SLC9A9: variants seen among roughly 807,000 people sequenced by gnomAD.
The protein encoded by SLC9A9 is solute carrier family 9 member A9.
A neutral mutation model predicts 77.8 loss-of-function variants in SLC9A9; 62 were observed. The ratio of observed to expected loss-of-function variants is 0.80; its 90% confidence interval spans 0.65 to 0.98. The LOEUF (loss-of-function observed/expected upper bound fraction) is 0.98, where lower values mean the gene tolerates loss of function less well. Among genes scored for constraint, SLC9A9 ranks in the 50% least tolerant of loss-of-function variants. The probability of loss-of-function intolerance (pLI) is 0.00; values close to 1 mark genes in which losing one functional copy is unlikely to be tolerated. For synonymous variants in SLC9A9, 320 were observed against 283.5 expected (o/e 1.13, Z -1.29); for missense variants, 775 against 774.9 (o/e 1.00, Z 0.00).
At chr3:143,735,469 T>C (rs1010671894) in intron 4 of SLC9A9, among the ~76,000 whole-genome samples, 3 of 152,212 alleles carry the variant, frequency 2.0e-5, no homozygotes, top group Non-Finnish European at 4.4e-5. Context: ...TGAAGTCTTT[T>C]TTCATGGTCT....
intron 4 of SLC9A9, among the ~76,000 whole-genome samples, chr3:143,772,247 C>T (rs1035344635): frequency 1.3e-5 from 2 of 152,130 alleles, no homozygotes; most frequent in African/African-American, 4.8e-5. Flanking sequence ...ACCCAACTAA[C>T]AACCAAGAGC....
At position 143,517,200 on chromosome 3, in the gene SLC9A9, T is replaced by C; in HGVS notation, c.1090-21752A>G. ...GAGTTGCTCTGGTATTTTGACATAC[T>C]TGCTGGGTTCTGAGCCACATCCTGG... On this transcript the variant is annotated intron_variant, in intron 9 of 15. Coordinates refer to ENST00000316549, the MANE Select transcript of SLC9A9 (RefSeq NM_173653.4). 2.2e-6 allele frequency: 3 copies of C among 1,381,264 alleles called. No homozygotes were observed. The South Asian group carries it at 3.5e-5, about 16-fold the overall frequency. 85.6% of individuals were successfully genotyped at this position (1,381,264 alleles called of 1,614,324 possible). A position where few individuals can be genotyped will look rare whatever the true frequency, so the allele number is the denominator to read the frequency against.
intron 6 of SLC9A9, among the ~76,000 whole-genome samples, chr3:143,634,527 C>G (rs1419825285): frequency 6.6e-6 from 1 of 152,054 alleles, no homozygotes; most frequent in Non-Finnish European, 1.5e-5. Context: ...AACTTTTTCC[C>G]TGAGTATTGC....
intron 7 of SLC9A9, among the ~76,000 whole-genome samples, chr3:143,577,671 T>A (rs1487402017): frequency 2.0e-5 from 3 of 152,138 alleles, no homozygotes; most frequent in Non-Finnish European, 2.9e-5. Context: ...ATACCCCCAG[T>A]AGAATGAAGC....
At chr3:143,503,699 C>T (rs115731832) in intron 9 of SLC9A9, 137 of 381,254 alleles carry the variant, frequency 3.6e-4, no homozygotes, top group African/African-American at 2.2e-3. Flanking sequence ...CATGGTCTCC[C>T]GGAGCGGCCA....
In SLC9A9 at chr3:143,823,796, T is replaced by C. The variant is rs1161773000; in HGVS notation, c.378+8223A>G. Among the ~76,000 whole-genome samples the C allele has an allele frequency of 2.6e-5, 4 of 151,980 alleles. No individual in the cohort carries two copies. The East Asian group carries it at 7.7e-4, about 29-fold the overall frequency. ...AATTTTAATAAAATATAAGATATTATATTGTTCTCTAAGATGAGGTGTCCA... is the reference window on the plus strand; with the variant it reads ...AATTTTAATAAAATATAAGATATTACATTGTTCTCTAAGATGAGGTGTCCA... On this transcript the variant is annotated intron_variant, in intron 2 of 15. Transcript: ENST00000316549.
chr3:143,566,634 G>A (rs1428469724), intron 8 of SLC9A9, among the ~76,000 whole-genome samples: 1 of 152,054 alleles, frequency 6.6e-6, no homozygotes, highest in Non-Finnish European at 1.5e-5. Context: ...TTAACTTTTT[G>A]TATGAGAAAA....
intron 5 of SLC9A9, among the ~76,000 whole-genome samples, chr3:143,673,151 T>A (rs1232310390): frequency 6.6e-6 from 1 of 152,210 alleles, no homozygotes; most frequent in African/African-American, 2.4e-5. Flanking sequence ...GGAAGACTCT[T>A]ATTTCCTCAA....
At chr3:143,710,735 A>G (rs1361202574) in intron 4 of SLC9A9, among the ~76,000 whole-genome samples, 1 of 152,156 alleles carries the variant, frequency 6.6e-6, no homozygotes, top group African/African-American at 2.4e-5. Flanking sequence ...GCTGTCTGAG[A>G]TTTCAGCAAA....
At chr3:143,722,255 C>T (rs570266386) in intron 4 of SLC9A9, among the ~76,000 whole-genome samples, 3 of 152,102 alleles carry the variant, frequency 2.0e-5, no homozygotes, top group South Asian at 2.1e-4. Flanking sequence ...GGGCGGATCA[C>T]GAGGTCAGGA....
At chr3:143,617,135 G>A (rs551461499) in intron 6 of SLC9A9, among the ~76,000 whole-genome samples, 1 of 152,294 alleles carries the variant, frequency 6.6e-6, no homozygotes, top group East Asian at 1.9e-4. Context: ...AGGAGGAAAT[G>A]CCATTTTGGG....
intron 14 of SLC9A9, among the ~76,000 whole-genome samples, chr3:143,335,061 C>CA (rs1167890982): frequency 1.3e-5 from 2 of 151,780 alleles, no homozygotes; most frequent in African/African-American, 4.8e-5. Flanking sequence ...AAGGATTCCA[C>CA]AAAAAATCTG....
At chr3:143,616,915 C>G (rs2038115751) in intron 6 of SLC9A9, among the ~76,000 whole-genome samples, 2 of 151,806 alleles carry the variant, frequency 1.3e-5, no homozygotes, top group South Asian at 4.2e-4. Context: ...AAGTGCCTGC[C>G]TGAGAGATGA....
intron 9 of SLC9A9, among the ~76,000 whole-genome samples, chr3:143,531,177 C>A (rs897580127): frequency 1.3e-5 from 2 of 152,102 alleles, no homozygotes; most frequent in Non-Finnish European, 2.9e-5. Flanking sequence ...TATCATTATC[C>A]CCATTTATGA....
At chr3:143,643,916 A>C (rs1181174786) in intron 6 of SLC9A9, among the ~76,000 whole-genome samples, 2 of 146,790 alleles carry the variant, frequency 1.4e-5, no homozygotes, top group Non-Finnish European at 3.1e-5. Context: ...AAGCAGAGGC[A>C]AACAGAGTCT....
chr3:143,616,555 G>A (rs971027406), intron 6 of SLC9A9, among the ~76,000 whole-genome samples: 3 of 152,118 alleles, frequency 2.0e-5, no homozygotes, highest in South Asian at 4.1e-4. Flanking sequence ...TTAAAATGTC[G>A]AGAAAATTTC....
intron 6 of SLC9A9, among the ~76,000 whole-genome samples, chr3:143,581,841 C>T (rs73001737): frequency 1.4e-3 from 211 of 152,212 alleles, no homozygotes; most frequent in Non-Finnish European, 2.5e-3. Flanking sequence ...GCAACAGCAC[C>T]GTCTCTCCTG....
intron 9 of SLC9A9, among the ~76,000 whole-genome samples, chr3:143,505,805 T>C (rs928382088): frequency 4.6e-5 from 7 of 152,194 alleles, no homozygotes; most frequent in African/African-American, 1.7e-4. Context: ...CTACAAGGAA[T>C]TGAGCTTCAT....
At chr3:143,307,827 A>T (rs951709342) in intron 14 of SLC9A9, among the ~76,000 whole-genome samples, 1 of 152,182 alleles carries the variant, frequency 6.6e-6, no homozygotes, top group African/African-American at 2.4e-5. Context: ...GAAAACAGAT[A>T]AGACTAAGAA....
Sources: allele counts gnomAD v4.1 joint callset (sites outside exome capture counted in the v4.1 genomes callset), GRCh38; gene constraint gnomAD v4.1.1; transcripts MANE v1.5; gene names NCBI Gene and HGNC (gene_info 2026-07-23, HGNC 2026-07-21).